The following DDX46 variants were observed in gnomAD, a reference collection of about 807,000 sequenced individuals.
The protein encoded by DDX46 is probable ATP-dependent RNA helicase DDX46.
A neutral mutation model predicts 134.9 loss-of-function variants in DDX46; 30 were observed. The ratio of observed to expected loss-of-function variants is 0.22; its 90% CI spans 0.17 to 0.30. The LOEUF is 0.30. Ranked by LOEUF, DDX46 falls within the 10% of genes least tolerant of loss-of-function variation. DDX46 has a pLI of 1.00. For synonymous variants in DDX46, 415 were observed against 404.1 expected, an observed-to-expected ratio of 1.03 and a Z score of -0.32; for missense variants, 622 against 1,248.7, an observed-to-expected ratio of 0.50 and a Z score of 7.56.
intron 9 of DDX46, 67 bp from the exon 10 acceptor site, chr5:134,784,299 C>T: frequency 6.6e-7 from 1 of 1,507,110 alleles, no homozygotes; most frequent in Non-Finnish European, 8.9e-7. Context: ...TATGGGAACA[C>T]ATAGGACCTG....
rs191120072 is a variant in DDX46, at chr5:134,765,502, G to A, written c.206+1410G>A. 3.9e-4 allele frequency among the ~76,000 whole-genome samples: 59 copies of A among 151,882 alleles called. 1 individual carries two copies. Among genetic ancestry groups the A allele is most frequent in the African/African-American group, 1.4e-3 (57 of 41,446 alleles). On this transcript the variant is annotated intron_variant, in intron 2 of 22. Coordinates refer to ENST00000452510, the MANE Select transcript of DDX46 (RefSeq NM_001300860.2). ...TGGGAGGTGGAGGTTGTAGTGAGCC[G>A]ACATGGTGCCACTGTACTCCAGCCT...
At chr5:134,767,111 C>G in intron 3 of DDX46, 51 bp downstream of exon 3, 1 of 1,518,744 alleles carries the variant, frequency 6.6e-7, no homozygotes. Flanking sequence ...GACTGCTTCC[C>G]TTCTCTGCGC....
chr5:134,800,178 C>T (rs1439427710), intron 15 of DDX46, among the ~76,000 whole-genome samples: 1 of 152,150 alleles, frequency 6.6e-6, no homozygotes, highest in Non-Finnish European at 1.5e-5. Flanking sequence ...AAACGCCTGA[C>T]CTCAAGTGAT....
At chr5:134,786,050 T>C (rs905783315) in intron 11 of DDX46, among the ~76,000 whole-genome samples, 1 of 152,116 alleles carries the variant, frequency 6.6e-6, no homozygotes, top group African/African-American at 2.4e-5. Context: ...GGTTTCACCA[T>C]ATTGGCCAGA....
chr5:134,804,660 A>G (rs1001575739), intron 15 of DDX46: 1 of 207,512 alleles, frequency 4.8e-6, no homozygotes, highest in African/African-American at 2.3e-5. Flanking sequence ...GTTTGTCTTA[A>G]TAAATTATTT....
intron 11 of DDX46, among the ~76,000 whole-genome samples, chr5:134,785,932 T>C (rs1754319440): frequency 6.6e-6 from 1 of 151,864 alleles, no homozygotes; most frequent in Non-Finnish European, 1.5e-5. Context: ...CACTGCAACC[T>C]CTGCCTCCCT....
chr5:134,803,240 C>T (rs1754885113), intron 15 of DDX46, among the ~76,000 whole-genome samples: 1 of 152,116 alleles, frequency 6.6e-6, no homozygotes, highest in Non-Finnish European at 1.5e-5. Context: ...GTGATCCACC[C>T]ACCTTGGCCT....
chr5:134,798,768 C>G (rs1189716445), intron 15 of DDX46, among the ~76,000 whole-genome samples: 2 of 152,140 alleles, frequency 1.3e-5, no homozygotes, highest in Non-Finnish European at 2.9e-5. Context: ...TTTCACTTAG[C>G]AAAATGCTTT....
rs376844748 is a variant in DDX46, at chr5:134,811,453, A to C, written c.2286+95A>C. On this transcript the variant is annotated intron_variant, in intron 17 of 22. Transcript: ENST00000452510. ...GGAAATCTTTTATTTAACACTTGAA[A>C]ATTTTGCTACGACTATTTTTATTTC... 364 of 1,478,038 alleles carry C rather than the reference A, an allele frequency of 2.5e-4. 8 individuals are homozygous for C. In the South Asian group the frequency reaches 4.6e-3, roughly 19 times the overall value. The allele number at this position is 1,478,038 out of a possible 1,614,324, so 91.6% of individuals were successfully genotyped here. A position where few individuals can be genotyped will look rare whatever the true frequency, so the allele number is the denominator to read the frequency against.
intron 8 of DDX46, among the ~76,000 whole-genome samples, chr5:134,782,405 G>A (rs1754181179): frequency 2.0e-5 from 3 of 152,002 alleles, no homozygotes; most frequent in Admixed American, 6.6e-5. Context: ...ACTTTGGGAG[G>A]CCAAGGCGGG....
chr5:134,771,564 T>C (rs1235279923), intron 4 of DDX46, among the ~76,000 whole-genome samples: 1 of 145,418 alleles, frequency 6.9e-6, no homozygotes. Flanking sequence ...TAGCTAGGCG[T>C]GGTGGCAGGC....
chr5:134,821,054 G>A (rs1377785671), intron 21 of DDX46, among the ~76,000 whole-genome samples: 1 of 122,694 alleles, frequency 8.2e-6, no homozygotes, highest in Non-Finnish European at 1.7e-5. Context: ...TTTTTTTTTT[G>A]TGAGAGAGAG....
At chr5:134,792,328 G>A (rs995156721) in intron 13 of DDX46, among the ~76,000 whole-genome samples, 1 of 152,126 alleles carries the variant, frequency 6.6e-6, no homozygotes, top group African/African-American at 2.4e-5. Flanking sequence ...ATCCAGTGGG[G>A]AAGTCATATG....
Position 134,767,000 on chromosome 5 carries a change from GC to G in DDX46, c.292del (p.Arg98GlyfsTer63). ...GACAGGAGACGCTCAAGGAGTAGAA[GC>G]CGGGGCCGGCGATCCCGATCCTCCA... is the stretch of plus-strand genomic sequence containing the variant. ...SRDRRRSRSR[S>X]RGRRSRSSSP... On this transcript the variant is annotated frameshift_variant, in exon 3 of 23. Coordinates refer to ENST00000452510, the MANE Select transcript of DDX46 (RefSeq NM_001300860.2). LOFTEE classifies it high-confidence loss of function. The G allele has an allele frequency of 6.2e-7, 1 of 1,614,132 alleles. No individual in the cohort carries two copies. The highest frequency in any genetic ancestry group is 8.5e-7 in the Non-Finnish European group (1 of 1,180,008).
In DDX46 at chr5:134,783,063, G is replaced by A. The variant is rs764284895; in HGVS notation, c.1164G>A (p.Lys388=). ...CCATGAAGATCTTAAATTCCCTCAA[G>A]AAGTAAGTGGTTGGTGGTTGTTTAT... The part of the protein sequence containing the change: ...GISMKILNSL[K]KHGYEKPTPI... Residue 388 remains lysine, a splice_region_variant and synonymous_variant, in exon 9 of 23, where the codon AAG becomes AAA. Coordinates refer to ENST00000452510, the MANE Select transcript of DDX46 (RefSeq NM_001300860.2). 6.2e-7 allele frequency: 1 copy of A among 1,612,996 alleles called. No individual in the cohort carries two copies. The highest frequency in any genetic ancestry group is 8.5e-7 in the Non-Finnish European group (1 of 1,179,324).
chr5:134,764,142 C>A, intron 2 of DDX46, 50 bp downstream of exon 2: 1 of 1,539,720 alleles, frequency 6.5e-7, no homozygotes, highest in South Asian at 1.2e-5. Context: ...TGGGCCTTCT[C>A]GGCTATAGCA....
At chr5:134,778,852 G>C (rs1167850367) in intron 6 of DDX46, among the ~76,000 whole-genome samples, 1 of 151,846 alleles carries the variant, frequency 6.6e-6, no homozygotes. Context: ...GGGATTACAG[G>C]CGTGAACCAC....
chr5:134,788,582 G>T lies in DDX46; in HGVS notation c.1534G>T (p.Ala512Ser). The T allele has an allele frequency of 1.2e-6, 2 of 1,613,706 alleles. No individual in the cohort carries two copies. The highest frequency in any genetic ancestry group is 1.7e-6 in the Non-Finnish European group (2 of 1,179,772). The change falls in exon 12 of 23, where the codon GCT becomes TCT. Residue 512 changes from alanine (A) to serine (S), a missense_variant. By Grantham distance (99) the Ala-to-Ser change is moderately conservative. This residue lies in a region of DDX46 where 209 missense variants were observed against 508.4 expected (regional missense o/e 0.41). Coordinates refer to ENST00000452510, the MANE Select transcript of DDX46 (RefSeq NM_001300860.2). ...TGGTCGAATGATTGACATGTTAGCC[G>T]CTAACAGTGGTAAGTCAGGGGTATT... ...TPGRMIDMLA[A>S]NSGRVTNLRR... is the part of the protein sequence containing the mutation.
intron 22 of DDX46, among the ~76,000 whole-genome samples, chr5:134,827,355 A>G (rs1391694058): frequency 5.3e-5 from 8 of 151,626 alleles, no homozygotes; most frequent in Non-Finnish European, 1.2e-4. Flanking sequence ...GCTCACTGCA[A>G]CCTCCGCCTC....
Sources: allele counts gnomAD v4.1 joint callset (sites outside exome capture counted in the v4.1 genomes callset), GRCh38; gene constraint gnomAD v4.1.1; regional missense constraint gnomAD v4.1.1; transcripts MANE v1.5; gene names NCBI Gene and HGNC (gene_info 2026-07-23, HGNC 2026-07-21).